GNE: variants seen among roughly 807,000 people sequenced by gnomAD.
The protein encoded by GNE is glucosamine (UDP-N-acetyl)-2-epimerase/N-acetylmannosamine kinase, also known as bifunctional UDP-N-acetylglucosamine 2-epimerase/N-acetylmannosamine kinase.
In GNE, 41 loss-of-function variants were observed where a neutral mutation model predicts 61.8. The observed-to-expected ratio is 0.66, with a 90% CI of 0.52 to 0.86. GNE has a LOEUF of 0.86. Ranked by LOEUF, GNE falls within the 40% of genes least tolerant of loss-of-function variation. GNE has a pLI of 0.00. For synonymous variants in GNE, 264 were observed against 326.4 expected, an observed-to-expected ratio of 0.81 and a Z score of 2.06; for missense variants, 608 against 909.1, an observed-to-expected ratio of 0.67 and a Z score of 4.26.
intron 7 of GNE, among the ~76,000 whole-genome samples, chr9:36,223,969 C>G (rs1443508132): frequency 2.0e-5 from 3 of 151,988 alleles, no homozygotes; most frequent in African/African-American, 7.2e-5. Context: ...CCAGGCTGGT[C>G]TCAAACTCCT....
chr9:36,270,580 C>T (rs1415695132), intron 1 of GNE, among the ~76,000 whole-genome samples: 7 of 150,236 alleles, frequency 4.7e-5, no homozygotes, highest in Non-Finnish European at 8.9e-5. Flanking sequence ...TGCAGTGGCA[C>T]GATCTCGGCT....
chr9:36,220,566 G>C (rs1828544159), intron 9 of GNE, among the ~76,000 whole-genome samples: 1 of 152,108 alleles, frequency 6.6e-6, no homozygotes, highest in African/African-American at 2.4e-5. Flanking sequence ...CTTTCTTCCT[G>C]CTCTGTTTCA....
At chr9:36,235,201 G>T (rs904608352) in intron 4 of GNE, among the ~76,000 whole-genome samples, 1 of 152,100 alleles carries the variant, frequency 6.6e-6, no homozygotes, top group Non-Finnish European at 1.5e-5. Context: ...CAGATTTTTT[G>T]ATTAGGGATA....
At chr9:36,272,546 G>C (rs375956577) in intron 1 of GNE, among the ~76,000 whole-genome samples, 1 of 144,034 alleles carries the variant, frequency 6.9e-6, no homozygotes, top group East Asian at 2.1e-4. Context: ...GTGTGAACCC[G>C]GGAGGCGGAG....
chr9:36,217,354 T>C lies in GNE; in HGVS notation c.*11A>G. The C allele has an allele frequency of 1.9e-6, 3 of 1,568,496 alleles. No individual in the cohort carries two copies. The highest frequency in any genetic ancestry group is 2.6e-6 in the Non-Finnish European group (3 of 1,139,046). On this transcript the variant is annotated 3_prime_UTR_variant, in exon 12 of 12. Coordinates refer to ENST00000642385, the MANE Select transcript of GNE (RefSeq NM_005476.7). ...GCTCTGGAGAGAAGGTCCATGTCTG[T>C]TCCTGGAGGTCTAGTAGATCCTGCG...
At position 36,217,084 on chromosome 9, in the gene GNE, A is replaced by G; in HGVS notation, c.*281T>C. 1 of 451,302 alleles carries G rather than the reference A, an allele frequency of 2.2e-6. No individual in the cohort carries two copies. The highest frequency in any genetic ancestry group is 4.2e-6 in the Non-Finnish European group (1 of 240,768). The allele number at this position is 451,302 out of a possible 1,614,324, so 28.0% of individuals were successfully genotyped here. On this transcript the variant is annotated 3_prime_UTR_variant, in exon 12 of 12. Transcript: ENST00000642385. ...AGAGTTCTAAGAAGGCTTCCTCTCT[A>G]TTATTGTAGCTGCTTTGGCACAGAA... is the stretch of plus-strand genomic sequence containing the variant.
chr9:36,248,089 C>T (rs1287186429), intron 2 of GNE, among the ~76,000 whole-genome samples: 1 of 151,240 alleles, frequency 6.6e-6, no homozygotes, highest in Admixed American at 6.6e-5. Context: ...TTCTTCTCTA[C>T]TCTTTAAGTA....
intron 2 of GNE, 136 bp downstream of exon 2, chr9:36,249,056 C>CTAAG: frequency 1.4e-6 from 1 of 708,402 alleles, no homozygotes; most frequent in Non-Finnish European, 2.5e-6. Flanking sequence ...CTCAGAGATG[C>CTAAG]TAAGTGACTA....
chr9:36,272,194 C>G (rs1157835624), intron 1 of GNE, among the ~76,000 whole-genome samples: 2 of 152,172 alleles, frequency 1.3e-5, no homozygotes, highest in African/African-American at 4.8e-5. Flanking sequence ...CTGGGAGATG[C>G]AGACAAGATG....
At chr9:36,249,425 A>G (rs1394029603) in intron 1 of GNE, 28 bp from the exon 2 acceptor site, 1 of 1,468,214 alleles carries the variant, frequency 6.8e-7, no homozygotes, top group Non-Finnish European at 9.5e-7. Flanking sequence ...AAAACTTTAT[A>G]ATCAGAATAA....
intron 1 of GNE, among the ~76,000 whole-genome samples, chr9:36,270,516 C>CTTT (rs1172459956): frequency 6.1e-5 from 8 of 131,670 alleles, no homozygotes; most frequent in East Asian, 4.5e-4. Flanking sequence ...GGATTTCTTT[C>CTTT]TTTTTTTTTT....
intron 5 of GNE, among the ~76,000 whole-genome samples, chr9:36,231,122 ACAAT>A (rs1462079936): frequency 1.7e-5 from 1 of 59,872 alleles, no homozygotes; most frequent in Admixed American, 1.3e-4. Flanking sequence ...AGAAAGAAAG[ACAAT>A]GAAAGAAGGA....
In GNE at chr9:36,218,149, C is replaced by T. The variant is rs1828415765; in HGVS notation, c.1933+34G>A. On this transcript the variant is annotated intron_variant, in intron 11 of 11. Coordinates refer to ENST00000642385, the MANE Select transcript of GNE (RefSeq NM_005476.7). This position sits in a 1 kb window ranked among gnomAD's most constrained non-coding sequence, Gnocchi z 4.1. ...GGCCATATGATATCTGAGGCCACCC[C>T]CTGCAGCACAGCCACCTGCAGCCAC... 1.4e-6 allele frequency: 2 copies of T among 1,426,802 alleles called. No individual in the cohort carries two copies. The highest frequency in any genetic ancestry group is 1.7e-5 in the Admixed American group (1 of 59,760). The allele number at this position is 1,426,802 out of a possible 1,614,324, so 88.4% of individuals were successfully genotyped here. A position where few individuals can be genotyped will look rare whatever the true frequency, so the allele number is the denominator to read the frequency against.
intron 1 of GNE, among the ~76,000 whole-genome samples, chr9:36,275,702 C>A (rs10121503): frequency 6.6e-6 from 1 of 152,064 alleles, no homozygotes; most frequent in East Asian, 1.9e-4. Context: ...AAAAAACTTA[C>A]AAGTTCCAGC....
At chr9:36,255,434 T>G (rs139979710) in intron 1 of GNE, among the ~76,000 whole-genome samples, 1,748 of 152,278 alleles carry the variant, frequency 0.011, 33 homozygotes, top group African/African-American at 0.039. Context: ...CTCGAACTCT[T>G]GACCTCAAGT....
In GNE at chr9:36,274,960, G is replaced by A. The variant is rs113018133; in HGVS notation, c.51+1934C>T. ...AGGATGGTCTTGATCTCCTGACCTCGTGATCCGCCGGACTCGGCCTCCCAA... is the reference window on the plus strand; with the variant it reads ...AGGATGGTCTTGATCTCCTGACCTCATGATCCGCCGGACTCGGCCTCCCAA... On this transcript the variant is annotated intron_variant, in intron 1 of 11. Coordinates refer to the GNE transcript ENST00000396594. 1.6e-4 allele frequency among the ~76,000 whole-genome samples: 24 copies of A among 152,242 alleles called. 1 individual carries two copies. Among genetic ancestry groups the A allele is most frequent in the African/African-American group, 5.8e-4 (24 of 41,548 alleles).
intron 2 of GNE, among the ~76,000 whole-genome samples, chr9:36,248,934 A>T (rs1051720494): frequency 6.6e-6 from 1 of 152,228 alleles, no homozygotes; most frequent in African/African-American, 2.4e-5. Flanking sequence ...ACCATTTATC[A>T]ATCATCTACT....
At chr9:36,268,257 T>C (rs187175611) in intron 1 of GNE, among the ~76,000 whole-genome samples, 115 of 152,340 alleles carry the variant, frequency 7.5e-4, no homozygotes, top group East Asian at 7.7e-4. Context: ...GAAAGTTAAA[T>C]TGGCACAGCC....
intron 1 of GNE, among the ~76,000 whole-genome samples, chr9:36,275,185 A>G (rs1049240756): frequency 2.0e-5 from 3 of 152,146 alleles, no homozygotes; most frequent in Admixed American, 6.6e-5. Flanking sequence ...TCTTCCTTAT[A>G]AACCTGGGCT....
Sources: gnomAD v4.1 joint callset for allele counts (sites outside exome capture counted in the v4.1 genomes callset) on GRCh38, gnomAD v4.1.1 for gene constraint, Gnocchi (gnomAD v3.1) non-coding constraint, MANE v1.5 for transcripts, NCBI Gene and HGNC (gene_info 2026-07-23, HGNC 2026-07-21) for gene names.